The following ARHGAP31 variants were observed in gnomAD, a reference collection of about 807,000 sequenced individuals.
The protein encoded by ARHGAP31 is Rho GTPase activating protein 31.
ARHGAP31 carries 34 observed loss-of-function variants against 113.9 expected under a neutral mutation model. That is an observed-to-expected ratio of 0.30 (90% CI 0.23 to 0.40). The LOEUF (loss-of-function observed/expected upper bound fraction) is 0.40, where lower values mean the gene tolerates loss of function less well. Ranked by LOEUF, ARHGAP31 falls within the 10% of genes least tolerant of loss-of-function variation. The probability of loss-of-function intolerance (pLI) is 1.00; values close to 1 mark genes in which losing one functional copy is unlikely to be tolerated. For synonymous variants in ARHGAP31, 650 were observed against 684.8 expected (o/e 0.95, Z 0.79); for missense variants, 1,548 against 1,767.1 (o/e 0.88, Z 2.22).
At chr3:119,336,779 A>G (rs2079953570) in intron 1 of ARHGAP31, among the ~76,000 whole-genome samples, 2 of 152,112 alleles carry the variant, frequency 1.3e-5, no homozygotes, top group Admixed American at 1.3e-4. Flanking sequence ...CTCAAAAGAA[A>G]CCTTATACCC....
intron 1 of ARHGAP31, among the ~76,000 whole-genome samples, chr3:119,344,925 AT>A: frequency 6.6e-6 from 1 of 150,458 alleles, no homozygotes; most frequent in Middle Eastern, 3.4e-3. Context: ...GTTTATTTTT[AT>A]TTCTAAGAGA....
chr3:119,363,604 A>G (rs2080228648), intron 1 of ARHGAP31, among the ~76,000 whole-genome samples: 1 of 152,192 alleles, frequency 6.6e-6, no homozygotes, highest in Admixed American at 6.5e-5. Flanking sequence ...AATTACAGTT[A>G]CTTGAAGGCC....
At chr3:119,303,824 T>C (rs929246423) in intron 1 of ARHGAP31, among the ~76,000 whole-genome samples, 2 of 152,044 alleles carry the variant, frequency 1.3e-5, no homozygotes, top group African/African-American at 4.8e-5. Context: ...AGATGGGGTC[T>C]CGCAGTGTCG....
At chr3:119,379,033 T>C (rs776807343) in intron 3 of ARHGAP31, among the ~76,000 whole-genome samples, 10 of 152,202 alleles carry the variant, frequency 6.6e-5, no homozygotes, top group African/African-American at 2.4e-4. Context: ...CATAGAGAAG[T>C]TGGATTGCCT....
intron 1 of ARHGAP31, among the ~76,000 whole-genome samples, chr3:119,323,654 A>G (rs775193805): frequency 5.3e-5 from 8 of 152,142 alleles, no homozygotes; most frequent in Non-Finnish European, 7.4e-5. Context: ...GAGGCAGCCA[A>G]TGGTGGCTGG....
At chr3:119,299,578 T>C (rs1271627616) in intron 1 of ARHGAP31, among the ~76,000 whole-genome samples, 1 of 152,226 alleles carries the variant, frequency 6.6e-6, no homozygotes, top group Non-Finnish European at 1.5e-5. Flanking sequence ...ATGTGACTCT[T>C]CTACATTTCT....
intron 1 of ARHGAP31, among the ~76,000 whole-genome samples, chr3:119,303,786 TTTGTTGTTG>T (rs556192445): frequency 1.3e-5 from 2 of 150,962 alleles, no homozygotes; most frequent in African/African-American, 2.5e-5. Flanking sequence ...TTTCATGTTT[TTTGTTGTTG>T]TTGTTGTTGT....
intron 1 of ARHGAP31, among the ~76,000 whole-genome samples, chr3:119,325,554 G>A (rs1487474133): frequency 6.6e-6 from 1 of 151,936 alleles, no homozygotes. Context: ...GGCCTCTATG[G>A]GCCAGTCCCA....
intron 8 of ARHGAP31, among the ~76,000 whole-genome samples, chr3:119,395,171 A>C (rs1303450160): frequency 5.9e-5 from 9 of 152,230 alleles, no homozygotes; most frequent in African/African-American, 2.2e-4. Flanking sequence ...AATATTTTTA[A>C]CGACTTTCCT....
At chr3:119,366,279 C>CA (rs55888648) in intron 2 of ARHGAP31, among the ~76,000 whole-genome samples, 4 of 151,452 alleles carry the variant, frequency 2.6e-5, no homozygotes, top group East Asian at 1.9e-4. Flanking sequence ...GCTTTTAAAA[C>CA]AAAAAAAATT....
intron 1 of ARHGAP31, among the ~76,000 whole-genome samples, chr3:119,350,489 A>G (rs769596403): frequency 6.6e-6 from 1 of 152,218 alleles, no homozygotes; most frequent in South Asian, 2.1e-4. Flanking sequence ...AAGCCCCCAT[A>G]GTGCCGTAGG....
Position 119,390,816 on chromosome 3 carries a change from G to T in ARHGAP31, c.714G>T (p.Leu238Phe), listed in dbSNP as rs1372896361. 8.7e-6 allele frequency: 14 copies of T among 1,613,096 alleles called. No individual in the cohort carries two copies. The East Asian group carries it at 2.9e-4, about 33-fold the overall frequency. Residue 238 changes from leucine (L) to phenylalanine (F), a missense_variant, in exon 7 of 12, where the codon TTG becomes TTT. Coordinates refer to ENST00000264245, the MANE Select transcript of ARHGAP31 (RefSeq NM_020754.4). ...ENRPIMKSLT[L>F]PALSLPMKLV... is the part of the protein sequence containing the mutation. ...GGCCCATCATGAAGAGCCTGACCTT[G>T]CCAGCCCTCTCCCTGCCCATGAAGC...
In ARHGAP31 at chr3:119,294,561, C is replaced by T. The variant is rs1214049169; in HGVS notation, c.-344C>T. ...GTAAGGGGTGGGGAGAGCTTGCCCT[C>T]CCTCTTAAGCTGAGGAGAAACACCC... On this transcript the variant is annotated 5_prime_UTR_variant, in exon 1 of 12. Transcript: ENST00000264245. The T allele has an allele frequency of 4.1e-6, 2 of 482,856 alleles. No homozygotes were observed. Among genetic ancestry groups the T allele is most frequent in the Non-Finnish European group, 7.1e-6 (2 of 280,364 alleles). 29.9% of individuals were successfully genotyped at this position (482,856 alleles called of 1,614,324 possible).
intron 1 of ARHGAP31, among the ~76,000 whole-genome samples, chr3:119,312,666 C>A (rs2079693132): frequency 1.3e-5 from 2 of 152,132 alleles, no homozygotes; most frequent in Admixed American, 1.3e-4. Context: ...TATAAAGTCC[C>A]TTCCCACATC....
At chr3:119,382,504 C>T in intron 5 of ARHGAP31, 105 bp downstream of exon 5, 1 of 1,144,096 alleles carries the variant, frequency 8.7e-7, no homozygotes. Context: ...TAAAACAAAT[C>T]TGTGGCTTAA....
At chr3:119,376,758 CAA>C (rs71156744) in intron 3 of ARHGAP31, among the ~76,000 whole-genome samples, 18,362 of 135,708 alleles carry the variant, frequency 0.14, 1,205 homozygotes, top group Middle Eastern at 0.19. Context: ...AGACTCGTCT[CAA>C]AAAAAAAAAA....
chr3:119,374,786 G>A (rs1054151992), intron 3 of ARHGAP31, among the ~76,000 whole-genome samples: 3 of 152,168 alleles, frequency 2.0e-5, no homozygotes, highest in African/African-American at 7.2e-5. Context: ...CTGTGGAACT[G>A]TGAGTCAATT....
intron 1 of ARHGAP31, among the ~76,000 whole-genome samples, chr3:119,316,361 A>C (rs73854483): frequency 0.015 from 2,343 of 152,324 alleles, 59 homozygotes; most frequent in African/African-American, 0.052. Context: ...ACTTTCTCTA[A>C]ACAGAACTGT....
intron 1 of ARHGAP31, among the ~76,000 whole-genome samples, chr3:119,359,438 G>C (rs114643674): frequency 0.012 from 1,749 of 151,686 alleles, 36 homozygotes; most frequent in African/African-American, 0.039. Context: ...TTAGAAAGTG[G>C]TTCATTTGTT....
Sources: allele counts gnomAD v4.1 joint callset (sites outside exome capture counted in the v4.1 genomes callset), GRCh38; gene constraint gnomAD v4.1.1; transcripts MANE v1.5; gene names NCBI Gene and HGNC (gene_info 2026-07-23, HGNC 2026-07-21).